PABPC4L: variants seen among roughly 807,000 people sequenced by gnomAD.
PABPC4L encodes the protein poly(A) binding protein cytoplasmic 4 like, also known as polyadenylate-binding protein 4-like.
For missense variants in PABPC4L, 452 were observed against 451.4 expected (o/e 1.00, Z -0.01); for synonymous variants, 169 against 164.1 (o/e 1.03, Z -0.23).
the PABPC4L span, among the ~76,000 whole-genome samples, chr4:134,151,629 C>A: frequency 6.6e-6 from 1 of 151,986 alleles, no homozygotes; most frequent in Non-Finnish European, 1.5e-5. Context: ...TAGTACATTT[C>A]ATCTTATCTT....
At chr4:133,966,609 A>G in the PABPC4L span, among the ~76,000 whole-genome samples, 3 of 152,340 alleles carry the variant, frequency 2.0e-5, no homozygotes, top group East Asian at 1.9e-4. Context: ...TTTATATACA[A>G]TGGAATACTA....
At chr4:134,070,646 T>G in the PABPC4L span, among the ~76,000 whole-genome samples, 1 of 151,916 alleles carries the variant, frequency 6.6e-6, no homozygotes, top group Non-Finnish European at 1.5e-5. Flanking sequence ...AGTGGGGGTG[T>G]GGCTGTGGGT....
chr4:134,042,741 C>T, the PABPC4L span, among the ~76,000 whole-genome samples: 1 of 151,922 alleles, frequency 6.6e-6, no homozygotes, highest in East Asian at 1.9e-4. Context: ...AGACTTTCTT[C>T]CAACAAAACA....
At chr4:133,960,876 C>G in the PABPC4L span, among the ~76,000 whole-genome samples, 2 of 152,050 alleles carry the variant, frequency 1.3e-5, no homozygotes. Flanking sequence ...ACCTGGTAAC[C>G]TCACCCACAT....
chr4:134,022,236 C>A, the PABPC4L span, among the ~76,000 whole-genome samples: 1 of 152,062 alleles, frequency 6.6e-6, no homozygotes, highest in Non-Finnish European at 1.5e-5. Context: ...CTGTTTGCCC[C>A]AGTATCCAAG....
chr4:134,083,191 T>C, the PABPC4L span, among the ~76,000 whole-genome samples: 1 of 152,200 alleles, frequency 6.6e-6, no homozygotes, highest in Non-Finnish European at 1.5e-5. Flanking sequence ...ATATACATTC[T>C]GGATGGTTTA....
chr4:134,163,369 A>C, the PABPC4L span, among the ~76,000 whole-genome samples: 1 of 152,154 alleles, frequency 6.6e-6, no homozygotes, highest in African/African-American at 2.4e-5. Flanking sequence ...GTAATGAAAA[A>C]AATGACATCA....
the PABPC4L span, among the ~76,000 whole-genome samples, chr4:134,095,069 C>T: frequency 6.6e-6 from 1 of 151,708 alleles, no homozygotes; most frequent in African/African-American, 2.4e-5. Context: ...GGTAGTACTT[C>T]TTTTACAGAA....
chr4:134,061,768 C>T, the PABPC4L span, among the ~76,000 whole-genome samples: 810 of 149,534 alleles, frequency 5.4e-3, 7 homozygotes, highest in African/African-American at 0.019. Flanking sequence ...AGAAGTGAAG[C>T]ATAAATGCTC....
At chr4:133,997,852 A>C in the PABPC4L span, among the ~76,000 whole-genome samples, 1 of 152,166 alleles carries the variant, frequency 6.6e-6, no homozygotes, top group African/African-American at 2.4e-5. Context: ...TGAGCTATGT[A>C]ATTAAGCTGA....
the PABPC4L span, among the ~76,000 whole-genome samples, chr4:134,040,295 C>T: frequency 7.3e-5 from 11 of 151,312 alleles, no homozygotes; most frequent in Non-Finnish European, 5.9e-5. Flanking sequence ...AAGAACAAAG[C>T]TGGAGGCTTC....
chr4:134,015,421 T>C, the PABPC4L span, among the ~76,000 whole-genome samples: 1 of 152,260 alleles, frequency 6.6e-6, no homozygotes, highest in Admixed American at 6.5e-5. Flanking sequence ...ATCTCAAACA[T>C]GCTTTCTTTA....
the PABPC4L span, among the ~76,000 whole-genome samples, chr4:134,068,372 G>T: frequency 6.6e-6 from 1 of 151,946 alleles, no homozygotes; most frequent in Non-Finnish European, 1.5e-5. Flanking sequence ...CATTTGGTTG[G>T]GAGACTTTTC....
Position 134,201,263 on chromosome 4 carries a change from G to A in PABPC4L, c.-226-18C>T. On this transcript the variant is annotated intron_variant, in intron 1 of 1. Transcript: ENST00000421491. ...CAACAGAACTGTGAAATCGCAAAGAGAGATTATTAGGACAAGACGTTCCTT... is the reference window on the plus strand; with the variant it reads ...CAACAGAACTGTGAAATCGCAAAGAAAGATTATTAGGACAAGACGTTCCTT... The A allele has an allele frequency of 6.7e-7, 1 of 1,500,896 alleles. No individual in the cohort carries two copies. The highest frequency in any genetic ancestry group is 8.9e-7 in the Non-Finnish European group (1 of 1,119,082). The allele number at this position is 1,500,896 out of a possible 1,614,324, so 93.0% of individuals were successfully genotyped here.
the PABPC4L span, among the ~76,000 whole-genome samples, chr4:134,050,840 G>C: frequency 4.0e-5 from 6 of 150,418 alleles, no homozygotes; most frequent in Admixed American, 6.6e-5. Context: ...AATCACAGAC[G>C]TGGCCCGACA....
chr4:134,065,518 C>A, the PABPC4L span, among the ~76,000 whole-genome samples: 1 of 151,922 alleles, frequency 6.6e-6, no homozygotes, highest in South Asian at 2.1e-4. Context: ...GTAAATTAAA[C>A]AAATTTATAT....
At chr4:134,169,579 C>A in the PABPC4L span, among the ~76,000 whole-genome samples, 1 of 151,832 alleles carries the variant, frequency 6.6e-6, no homozygotes, top group Non-Finnish European at 1.5e-5. Context: ...AACTAATAAA[C>A]AAATTCAGTA....
the PABPC4L span, among the ~76,000 whole-genome samples, chr4:134,133,537 T>G: frequency 6.6e-6 from 1 of 150,634 alleles, no homozygotes; most frequent in Non-Finnish European, 1.5e-5. Context: ...TGCAGCAACT[T>G]GAATGGAATT....
chr4:134,122,138 T>C, the PABPC4L span, among the ~76,000 whole-genome samples: 2 of 151,846 alleles, frequency 1.3e-5, no homozygotes, highest in East Asian at 3.9e-4. Flanking sequence ...GTCAACAAAG[T>C]CAACTGTCAT....
Sources: gnomAD v4.1 joint callset for allele counts (sites outside exome capture counted in the v4.1 genomes callset) on GRCh38, gnomAD v4.1.1 for gene constraint, MANE v1.5 for transcripts, NCBI Gene and HGNC (gene_info 2026-07-23, HGNC 2026-07-21) for gene names.